The following DOCK4 variants were observed in gnomAD, a reference collection of about 807,000 sequenced individuals.
DOCK4 encodes the protein dedicator of cytokinesis protein 4.
Under a neutral mutation model 268.1 loss-of-function variants are expected in DOCK4, and 97 were observed. The observed-to-expected ratio is 0.36, with a 90% CI of 0.31 to 0.43. DOCK4 has a LOEUF of 0.43. Ranked by LOEUF, DOCK4 falls within the 20% of genes least tolerant of loss-of-function variation. DOCK4 has a pLI of 1.00. For missense variants in DOCK4, 2,145 were observed against 2,455.7 expected, an observed-to-expected ratio of 0.87 and a Z score of 2.67; for synonymous variants, 954 against 887.2, an observed-to-expected ratio of 1.08 and a Z score of -1.34.
At chr7:112,122,598 G>A (rs2115925371) in intron 1 of DOCK4, among the ~76,000 whole-genome samples, 1 of 152,232 alleles carries the variant, frequency 6.6e-6, no homozygotes, top group East Asian at 1.9e-4. Flanking sequence ...ACAGTATTTA[G>A]TTGGATTTCT....
intron 36 of DOCK4, among the ~76,000 whole-genome samples, chr7:111,774,966 AGGTT>A (rs772292475): frequency 5.3e-5 from 8 of 152,202 alleles, no homozygotes; most frequent in Non-Finnish European, 1.0e-4. Flanking sequence ...GCTAGCCTGT[AGGTT>A]GTAGTTTGTT....
chr7:111,801,976 C>T (rs1800331397), intron 30 of DOCK4, among the ~76,000 whole-genome samples: 1 of 151,700 alleles, frequency 6.6e-6, no homozygotes, highest in Admixed American at 6.6e-5. Flanking sequence ...GCTGGGATTA[C>T]AGGCGTGAGC....
intron 8 of DOCK4, chr7:111,976,777 T>A (rs964929283): frequency 6.0e-6 from 1 of 167,132 alleles, no homozygotes; most frequent in African/African-American, 2.4e-5. Flanking sequence ...ATCTGAAAGA[T>A]ACAGCATGCT....
intron 13 of DOCK4, among the ~76,000 whole-genome samples, chr7:111,908,378 G>A (rs1791784948): frequency 6.6e-6 from 1 of 152,006 alleles, no homozygotes. Context: ...AACATGGAAG[G>A]CAGAGCTTGC....
chr7:111,728,543 C>T lies in DOCK4; in HGVS notation c.5659G>A (p.Val1887Met). Residue 1887 changes from valine (V) to methionine (M), a missense_variant, in exon 53 of 53, where the codon GTG becomes ATG. This residue lies in a region of DOCK4 where 547 missense variants were observed against 469.0 expected (regional missense o/e 1.17). Transcript: ENST00000428084. Reference protein sequence around the residue: ...QVNEQSAPLPVPVPVPVPSYG... With the variant: ...QVNEQSAPLPMPVPVPVPSYG... The stretch of plus-strand genomic sequence containing the variant: ...CTCGGCACGGGCACCGGCACTGGCA[C>T]CGGCAGGGGGGCCGACTGTTCATTC... 4 of 1,613,736 alleles carry T rather than the reference C, an allele frequency of 2.5e-6. No homozygotes were observed. The highest frequency in any genetic ancestry group is 3.4e-6 in the Non-Finnish European group (4 of 1,179,826).
intron 8 of DOCK4, among the ~76,000 whole-genome samples, chr7:111,957,153 C>T (rs6978225): frequency 0.33 from 50,369 of 151,954 alleles, 11,598 homozygotes; most frequent in African/African-American, 0.66. Context: ...TTATATACTT[C>T]TAAAAAGAAA....
intron 1 of DOCK4, among the ~76,000 whole-genome samples, chr7:112,200,735 AAAAC>A (rs1411933965): frequency 1.7e-5 from 2 of 118,396 alleles, no homozygotes; most frequent in South Asian, 2.9e-4. Context: ...TAAAAAAAAA[AAAAC>A]AAAAAAAAAC....
chr7:111,806,874 G>A lies in DOCK4; in HGVS notation c.3166+1947C>T, dbSNP rs143100315. Among the ~76,000 whole-genome samples, 402 of 152,272 alleles carry A rather than the reference G, an allele frequency of 2.6e-3. 2 individuals are homozygous for A. Among genetic ancestry groups the A allele is most frequent in the Middle Eastern group, 0.017 (5 of 294 alleles). ...AATTTTCCATATTCTCTAGATCTCTGAGAAAAACAGAGAAGCAATTTAACA... is the reference window on the plus strand; with the variant it reads ...AATTTTCCATATTCTCTAGATCTCTAAGAAAAACAGAGAAGCAATTTAACA... On this transcript the variant is annotated intron_variant, in intron 30 of 52. Coordinates refer to ENST00000428084, the MANE Select transcript of DOCK4 (RefSeq NM_001363540.2).
intron 1 of DOCK4, among the ~76,000 whole-genome samples, chr7:112,017,786 A>G (rs1288229832): frequency 6.6e-6 from 1 of 152,000 alleles, no homozygotes; most frequent in Non-Finnish European, 1.5e-5. Flanking sequence ...TACCTCACCA[A>G]TGGGAGTTGA....
intron 47 of DOCK4, 48 bp from the exon 48 acceptor site, chr7:111,739,525 C>T (rs913055800): frequency 1.8e-5 from 27 of 1,477,502 alleles, no homozygotes; most frequent in East Asian, 4.9e-5. Context: ...AAAGGCTTCC[C>T]ACGACACTGA....
chr7:112,035,557 C>T (rs982794337), intron 1 of DOCK4, among the ~76,000 whole-genome samples: 55 of 151,874 alleles, frequency 3.6e-4, no homozygotes, highest in African/African-American at 9.2e-4. Context: ...AGTTAATAAA[C>T]AAATTAGAAA....
chr7:112,203,853 A>G (rs969674208), intron 1 of DOCK4, among the ~76,000 whole-genome samples: 5 of 151,770 alleles, frequency 3.3e-5, no homozygotes, highest in African/African-American at 1.2e-4. Flanking sequence ...ACACACACAC[A>G]CACACACACA....
intron 1 of DOCK4, among the ~76,000 whole-genome samples, chr7:112,126,235 G>C (rs939875714): frequency 1.3e-5 from 2 of 152,118 alleles, no homozygotes; most frequent in African/African-American, 4.8e-5. Flanking sequence ...AAGGACAGAG[G>C]CTCTCTGGGT....
chr7:111,882,983 T>C (rs1323417849), intron 16 of DOCK4, among the ~76,000 whole-genome samples: 1 of 152,156 alleles, frequency 6.6e-6, no homozygotes, highest in Non-Finnish European at 1.5e-5. Flanking sequence ...TATGACAAGA[T>C]GTTCTAATAC....
intron 16 of DOCK4, among the ~76,000 whole-genome samples, chr7:111,891,738 T>G (rs1808304405): frequency 6.6e-6 from 1 of 152,224 alleles, no homozygotes; most frequent in Non-Finnish European, 1.5e-5. Context: ...CCCTTAACCT[T>G]GCTCTCCAAT....
At chr7:111,976,272 TATA>T (rs1562954382) in intron 8 of DOCK4, among the ~76,000 whole-genome samples, 13 of 1,912 alleles carry the variant, frequency 6.8e-3, no homozygotes, top group South Asian at 0.11. Context: ...GTGTCTATTA[TATA>T]TATATATATA....
At chr7:112,154,039 T>C (rs958884410) in intron 1 of DOCK4, among the ~76,000 whole-genome samples, 9 of 152,162 alleles carry the variant, frequency 5.9e-5, no homozygotes, top group Admixed American at 5.2e-4. Context: ...TGGCTTGATG[T>C]GGGCTCACTG....
At chr7:111,913,472 C>G (rs1364592077) in intron 13 of DOCK4, among the ~76,000 whole-genome samples, 3 of 147,922 alleles carry the variant, frequency 2.0e-5, no homozygotes, top group African/African-American at 2.5e-5. Context: ...TGCAGTGGCG[C>G]GATCTCCGCT....
chr7:111,805,664 C>T (rs771224490), intron 30 of DOCK4, among the ~76,000 whole-genome samples: 4 of 152,104 alleles, frequency 2.6e-5, no homozygotes, highest in South Asian at 2.1e-4. Context: ...CTTTCCCCTC[C>T]GTGTCCTCAG....
Sources: allele counts gnomAD v4.1 joint callset (sites outside exome capture counted in the v4.1 genomes callset), GRCh38; gene constraint gnomAD v4.1.1; regional missense constraint gnomAD v4.1.1; transcripts MANE v1.5; gene names NCBI Gene and HGNC (gene_info 2026-07-23, HGNC 2026-07-21).